TENM1: variants seen among roughly 807,000 people sequenced by gnomAD.
TENM1 encodes the protein teneurin transmembrane protein 1.
In TENM1, 35 loss-of-function variants were observed where a neutral mutation model predicts 174.8. That is an observed-to-expected ratio of 0.20 (90% confidence interval 0.15 to 0.27). The LOEUF (loss-of-function observed/expected upper bound fraction) is 0.27. Ranked by LOEUF, TENM1 falls within the 10% of genes least tolerant of loss-of-function variation. The probability of loss-of-function intolerance (pLI) is 1.00; values close to 1 mark genes in which losing one functional copy is unlikely to be tolerated. For missense variants in TENM1, 1,633 were observed against 2,130.1 expected (o/e 0.77, Z 4.59); for synonymous variants, 781 against 798.7 (o/e 0.98, Z 0.37).
chrX:124,975,702 A>G, the TENM1 span, among the ~76,000 whole-genome samples: 2 of 111,862 alleles, frequency 1.8e-5, no homozygotes, highest in Admixed American at 9.6e-5. Flanking sequence ...AAAGGAGCTA[A>G]TCAAATTAAC....
chrX:125,005,904 A>G, the TENM1 span, among the ~76,000 whole-genome samples: 6 of 111,520 alleles, frequency 5.4e-5, no homozygotes, highest in African/African-American at 2.0e-4. Flanking sequence ...GTGAGCCTAT[A>G]CCACTAGAGC....
chrX:124,638,265 T>C (rs138601721), intron 11 of TENM1, among the ~76,000 whole-genome samples: 156 of 111,362 alleles, frequency 1.4e-3, no homozygotes, highest in African/African-American at 5.0e-3. Flanking sequence ...GACTAGTGCA[T>C]GTCTTTGTGT....
intron 18 of TENM1, among the ~76,000 whole-genome samples, chrX:124,511,333 C>A (rs1436259504): frequency 8.9e-6 from 1 of 111,958 alleles, no homozygotes; most frequent in Non-Finnish European, 1.9e-5. Context: ...GATAAAACAG[C>A]CCTGCTTTCA....
intron 15 of TENM1, among the ~76,000 whole-genome samples, chrX:124,544,609 C>T (rs2048390683): frequency 8.9e-6 from 1 of 112,257 alleles, no homozygotes; most frequent in Non-Finnish European, 1.9e-5. Flanking sequence ...AATGATGTCA[C>T]TGAAATGTAT....
At chrX:124,447,573 A>T (rs1011734022) in intron 23 of TENM1, among the ~76,000 whole-genome samples, 3 of 112,102 alleles carry the variant, frequency 2.7e-5, no homozygotes, top group Admixed American at 9.5e-5. Flanking sequence ...CTCTTATCAG[A>T]GGCGTTAATG....
chrX:124,564,476 A>C (rs2048896751), intron 12 of TENM1, among the ~76,000 whole-genome samples: 3 of 111,318 alleles, frequency 2.7e-5, no homozygotes, highest in Non-Finnish European at 1.9e-5. Flanking sequence ...AGAGGCCCAC[A>C]TTTGCCTTTG....
chrX:124,901,351 ACT>A (rs1231380278), intron 1 of TENM1, among the ~76,000 whole-genome samples: 1 of 111,385 alleles, frequency 9.0e-6, no homozygotes, highest in African/African-American at 3.3e-5. Context: ...AAAATAAATG[ACT>A]CTACTTTCTG....
intron 22 of TENM1, among the ~76,000 whole-genome samples, chrX:124,473,295 G>T (rs1045226654): frequency 1.8e-5 from 2 of 111,038 alleles, no homozygotes; most frequent in Non-Finnish European, 3.8e-5. Flanking sequence ...TTATTTATAG[G>T]TTACCATAAT....
intron 4 of TENM1, among the ~76,000 whole-genome samples, chrX:124,715,329 G>C (rs1056668786): frequency 9.1e-6 from 1 of 110,023 alleles, no homozygotes; most frequent in Non-Finnish European, 1.9e-5. Flanking sequence ...AACAGGTGAC[G>C]CAGGAAATAC....
At chrX:124,807,286 C>T (rs1216548959) in intron 3 of TENM1, among the ~76,000 whole-genome samples, 1 of 111,741 alleles carries the variant, frequency 8.9e-6, no homozygotes, top group Admixed American at 9.5e-5. Context: ...CAAATTCTAT[C>T]ACCAGGAGAG....
intron 6 of TENM1, among the ~76,000 whole-genome samples, chrX:124,665,019 T>C (rs917691525): frequency 8.9e-6 from 1 of 111,772 alleles, no homozygotes. Context: ...GTAACTTTCT[T>C]GTGTTTTCCT....
chrX:124,662,892 C>T (rs2051648973), intron 6 of TENM1, among the ~76,000 whole-genome samples: 2 of 112,060 alleles, frequency 1.8e-5, no homozygotes, highest in African/African-American at 3.2e-5. Context: ...TCCTATGTAA[C>T]GGGAATCTGC....
chrX:124,901,542 T>G (rs770522397), intron 1 of TENM1, among the ~76,000 whole-genome samples: 1 of 111,551 alleles, frequency 9.0e-6, no homozygotes, highest in Non-Finnish European at 1.9e-5. Flanking sequence ...TGGCACGATC[T>G]TGGCTCACTG....
chrX:124,579,981 G>A (rs2049261788), intron 11 of TENM1, among the ~76,000 whole-genome samples: 1 of 111,598 alleles, frequency 9.0e-6, no homozygotes, highest in Non-Finnish European at 1.9e-5. Flanking sequence ...GATGCAGAAT[G>A]ATAGGTATTT....
intron 11 of TENM1, among the ~76,000 whole-genome samples, chrX:124,590,655 G>T (rs987754178): frequency 8.9e-6 from 1 of 111,997 alleles, no homozygotes; most frequent in African/African-American, 3.2e-5. Context: ...TTAAGGCTGA[G>T]CATATGTTTC....
intron 11 of TENM1, among the ~76,000 whole-genome samples, chrX:124,589,687 T>C (rs993420741): frequency 9.0e-6 from 1 of 111,477 alleles, no homozygotes. Context: ...CTCTAGACTT[T>C]CTAGTTTGTG....
chrX:124,770,545 A>C (rs1019300439), intron 3 of TENM1, among the ~76,000 whole-genome samples: 1 of 110,481 alleles, frequency 9.1e-6, no homozygotes, highest in Non-Finnish European at 1.9e-5. Context: ...AGCTGGTACC[A>C]CAGGTGTGCA....
At chrX:124,908,556 G>A (rs910042890) in intron 1 of TENM1, among the ~76,000 whole-genome samples, 10 of 110,590 alleles carry the variant, frequency 9.0e-5, no homozygotes, top group Non-Finnish European at 1.9e-4. Context: ...CCACATTTTC[G>A]TTATCCAGTG....
rs1292379241 is a variant in TENM1 at position 124,809,877 on chromosome X, AG to A, written c.536-72681del. Among the ~76,000 whole-genome samples, 560 of 101,411 alleles carry A rather than the reference AG, an allele frequency of 5.5e-3. 3 individuals are homozygous for A. Among genetic ancestry groups the A allele is most frequent in the African/African-American group, 0.021 (520 of 25,335 alleles). The allele number at this position is 101,411 out of a possible 115,157, so 88.1% of individuals were successfully genotyped here. A position where few individuals can be genotyped will look rare whatever the true frequency, so the allele number is the denominator to read the frequency against. Reference sequence around the variant, plus strand: ...GAGAGAGAGAGAGAGAGAGAGAGAGAGAAGCAGGAAGCACCAGACACTTATC... The same window carrying A: ...GAGAGAGAGAGAGAGAGAGAGAGAGAAAGCAGGAAGCACCAGACACTTATC... On this transcript the variant is annotated intron_variant, in intron 3 of 31. Transcript: ENST00000422452.
Sources: gnomAD v4.1 joint callset for allele counts (sites outside exome capture counted in the v4.1 genomes callset) on GRCh38, gnomAD v4.1.1 for gene constraint, MANE v1.5 for transcripts, NCBI Gene and HGNC (gene_info 2026-07-23, HGNC 2026-07-21) for gene names.